PDPN: variants seen among roughly 807,000 people sequenced by gnomAD.
The protein encoded by PDPN is PA2.26 antigen.
In PDPN, 12 loss-of-function variants were observed where a neutral mutation model predicts 23.2. That is an observed-to-expected ratio of 0.52 (90% confidence interval 0.33 to 0.84). The LOEUF is 0.84. PDPN is among the 40% of genes least tolerant of loss of function. The pLI is 0.02. For missense variants in PDPN, 199 were observed against 212.2 expected (o/e 0.94, Z 0.39); for synonymous variants, 77 against 76.7 (o/e 1.00, Z -0.02).
At chr1:13,586,217 C>T (rs1266145582) in intron 1 of PDPN, among the ~76,000 whole-genome samples, 1 of 152,102 alleles carries the variant, frequency 6.6e-6, no homozygotes, top group Non-Finnish European at 1.5e-5. Context: ...ATTAATCATG[C>T]GGCCAACAAA....
At chr1:13,607,060 A>G in intron 1 of PDPN, 113 bp from the exon 2 acceptor site, 4 of 1,294,110 alleles carry the variant, frequency 3.1e-6, no homozygotes, top group Non-Finnish European at 4.3e-6. Context: ...GACCAAAAAT[A>G]AAACAAAAAT....
chr1:13,613,299 C>A (rs149702781), intron 3 of PDPN, among the ~76,000 whole-genome samples: 15 of 152,230 alleles, frequency 9.9e-5, no homozygotes, highest in African/African-American at 2.9e-4. Flanking sequence ...ACAGTCTGTC[C>A]CTTCTCTGTG....
Position 13,612,940 on chromosome 1 carries a change from C to A in PDPN, c.332-747C>A, listed in dbSNP as rs1206486069. On this transcript the variant is annotated intron_variant, in intron 3 of 5. Transcript: ENST00000621990. Reference sequence around the variant, plus strand: ...CTATCTGCAAACTAGTCAATAGCCACCACCCAGAGGAGTTAAGGACTCGTT... The same window carrying A: ...CTATCTGCAAACTAGTCAATAGCCAACACCCAGAGGAGTTAAGGACTCGTT... Among the ~76,000 whole-genome samples, 2 of 151,818 alleles carry A rather than the reference C, an allele frequency of 1.3e-5. 1 individual carries two copies. Among genetic ancestry groups the A allele is most frequent in the Non-Finnish European group, 2.9e-5 (2 of 67,984 alleles).
At chr1:13,598,426 C>T (rs1335516041) in intron 1 of PDPN, among the ~76,000 whole-genome samples, 1 of 152,120 alleles carries the variant, frequency 6.6e-6, no homozygotes. Context: ...AGCACCAACC[C>T]CTCTCCACTG....
intron 1 of PDPN, chr1:13,585,565 C>T (rs776047923): frequency 1.5e-6 from 2 of 1,352,060 alleles, no homozygotes; most frequent in East Asian, 9.1e-5. Context: ...GAAAAAGCTG[C>T]TGGGTAACAT....
At chr1:13,592,229 A>G (rs1034077852) in intron 1 of PDPN, among the ~76,000 whole-genome samples, 5 of 152,226 alleles carry the variant, frequency 3.3e-5, no homozygotes, top group African/African-American at 1.2e-4. Context: ...CCTTAAATAT[A>G]TGAATTGCAG....
intron 3 of PDPN, among the ~76,000 whole-genome samples, chr1:13,610,777 A>G (rs1457749179): frequency 6.6e-6 from 1 of 152,236 alleles, no homozygotes; most frequent in Non-Finnish European, 1.5e-5. Context: ...CTGAGATTGC[A>G]TGGCGGACTC....
At chr1:13,602,895 C>T (rs576280721) in intron 1 of PDPN, among the ~76,000 whole-genome samples, 130 of 152,138 alleles carry the variant, frequency 8.5e-4, no homozygotes, top group African/African-American at 2.8e-3. Flanking sequence ...AAAGAAATGG[C>T]AGGCTGGGCA....
intron 3 of PDPN, among the ~76,000 whole-genome samples, chr1:13,611,231 A>C (rs937040061): frequency 7.3e-6 from 1 of 136,256 alleles, no homozygotes; most frequent in Non-Finnish European, 1.6e-5. Flanking sequence ...AAAAAAAAAA[A>C]CAAAACAAAA....
chr1:13,597,632 C>T (rs1570028877), intron 1 of PDPN, among the ~76,000 whole-genome samples: 1 of 152,066 alleles, frequency 6.6e-6, no homozygotes, highest in Non-Finnish European at 1.5e-5. Context: ...GACTCAGCAT[C>T]GCAAAGGGGC....
chr1:13,605,486 G>T (rs1441128045), intron 1 of PDPN, among the ~76,000 whole-genome samples: 1 of 152,206 alleles, frequency 6.6e-6, no homozygotes, highest in Non-Finnish European at 1.5e-5. Context: ...GTGATTTTTG[G>T]AGATGATAAT....
At position 13,592,543 on chromosome 1, in the gene PDPN, ATTTTTTTTT is replaced by A. The variant is rs34176163; in HGVS notation, c.67+8458_67+8466del. Among the ~76,000 whole-genome samples the A allele has an allele frequency of 4.9e-3, 515 of 105,068 alleles. 2 individuals carry two copies. The highest frequency in any genetic ancestry group is 0.017 in the Middle Eastern group (3 of 172). The allele number at this position is 105,068 out of a possible 152,430, so 68.9% of individuals were successfully genotyped here. On this transcript the variant is annotated intron_variant, in intron 1 of 5. Transcript: ENST00000621990. ...CAAGGTACCATTTGTTGAAAAGATGATTTTTTTTTTTTTTTTTTTTTTTGAGACAGAGTT... is the reference window on the plus strand; with the variant it reads ...CAAGGTACCATTTGTTGAAAAGATGATTTTTTTTTTTTTTGAGACAGAGTT...
At chr1:13,585,805 G>A (rs1322992503) in intron 1 of PDPN, among the ~76,000 whole-genome samples, 1 of 152,188 alleles carries the variant, frequency 6.6e-6, no homozygotes, top group Non-Finnish European at 1.5e-5. Context: ...TGAGAATAAT[G>A]AGCGAGGCGA....
intron 3 of PDPN, among the ~76,000 whole-genome samples, chr1:13,611,769 G>T (rs1003074449): frequency 6.6e-6 from 1 of 152,114 alleles, no homozygotes; most frequent in Middle Eastern, 3.2e-3. Context: ...CGGGGAGTGG[G>T]GGGAACCTTA....
intron 1 of PDPN, among the ~76,000 whole-genome samples, chr1:13,593,760 C>CA (rs1282678890): frequency 6.6e-6 from 1 of 152,198 alleles, no homozygotes; most frequent in East Asian, 1.9e-4. Flanking sequence ...GAGCAGACGG[C>CA]AAGTGCTTCC....
intron 1 of PDPN, among the ~76,000 whole-genome samples, chr1:13,592,983 T>C (rs1640391267): frequency 2.0e-5 from 3 of 152,254 alleles, no homozygotes; most frequent in South Asian, 2.1e-4. Flanking sequence ...CCGTCTTGAT[T>C]ACTGCAGCTT....
Position 13,605,269 on chromosome 1 carries a change from G to A in PDPN, c.68-1904G>A, listed in dbSNP as rs145496514. Among the ~76,000 whole-genome samples the A allele has an allele frequency of 2.0e-3, 293 of 149,096 alleles. 1 individual carries two copies. The highest frequency in any genetic ancestry group is 2.7e-3 in the African/African-American group (107 of 40,142). ...TTAAGGCAAGGAATGGATTGCTAAT[G>A]TAAGTGCTGCCTAGAGACAAACAAA... On this transcript the variant is annotated intron_variant, in intron 1 of 5. Transcript: ENST00000621990.
intron 1 of PDPN, among the ~76,000 whole-genome samples, chr1:13,587,877 G>T (rs1469814722): frequency 6.6e-6 from 1 of 152,202 alleles, no homozygotes; most frequent in African/African-American, 2.4e-5. Context: ...CCACCGGCCT[G>T]TTGGCAGCCA....
Position 13,616,306 on chromosome 1 carries a change from T to G in PDPN, c.*395T>G, listed in dbSNP as rs1641073028. The G allele has an allele frequency of 4.1e-6, 1 of 246,028 alleles. No individual in the cohort carries two copies. 15.2% of individuals were successfully genotyped at this position (246,028 alleles called of 1,614,324 possible). A position where few individuals can be genotyped will look rare whatever the true frequency, so the allele number is the denominator to read the frequency against. The stretch of plus-strand genomic sequence containing the variant: ...AAAATGCAGAGGAATCTGGAAATAT[T>G]TATATCCACGGAGTCCTTGGATCCA... On this transcript the variant is annotated 3_prime_UTR_variant, in exon 6 of 6. Coordinates refer to ENST00000621990, the MANE Select transcript of PDPN (RefSeq NM_006474.5).
Sources: allele counts gnomAD v4.1 joint callset (sites outside exome capture counted in the v4.1 genomes callset), GRCh38; gene constraint gnomAD v4.1.1; transcripts MANE v1.5; gene names NCBI Gene and HGNC (gene_info 2026-07-23, HGNC 2026-07-21).